The following CPED1 variants were observed in gnomAD, a reference collection of about 807,000 sequenced individuals.
CPED1 encodes cadherin like and PC-esterase domain containing 1, also known as cadherin-like and PC-esterase domain-containing protein 1.
Under a neutral mutation model 128.2 loss-of-function variants are expected in CPED1, and 114 were observed. That is an observed-to-expected ratio of 0.89 (90% confidence interval 0.76 to 1.04). CPED1 has a LOEUF of 1.04. Ranked by LOEUF, CPED1 falls within the 50% of genes least tolerant of loss-of-function variation. The pLI is 0.00. For missense variants in CPED1, 1,211 were observed against 1,207.1 expected, an observed-to-expected ratio of 1.00 and a Z score of -0.05; for synonymous variants, 462 against 426.7, an observed-to-expected ratio of 1.08 and a Z score of -1.02.
intron 14 of CPED1, 135 bp downstream of exon 14, chr7:121,136,225 T>C: frequency 2.3e-6 from 2 of 854,212 alleles, no homozygotes; most frequent in East Asian, 3.3e-5. Flanking sequence ...TAGAAGTTAT[T>C]AGATTTCCAA....
At chr7:121,226,228 C>A (rs901327202) in intron 16 of CPED1, among the ~76,000 whole-genome samples, 1 of 152,090 alleles carries the variant, frequency 6.6e-6, no homozygotes, top group Non-Finnish European at 1.5e-5. Context: ...TTTCTTCTAA[C>A]AATCAGGTCC....
At chr7:121,292,957 C>T (rs965228495) in intron 22 of CPED1, among the ~76,000 whole-genome samples, 3 of 152,160 alleles carry the variant, frequency 2.0e-5, no homozygotes, top group Admixed American at 1.3e-4. Context: ...TGTCTGTCGA[C>T]CCCTGCTGGA....
chr7:121,244,252 T>G lies in CPED1; in HGVS notation c.2224T>G (p.Trp742Gly), dbSNP rs1261243376. The change falls in exon 18 of 23, where the codon TGG becomes GGG. Residue 742 changes from tryptophan to glycine, a missense_variant. Trp to Gly is a radical substitution (Grantham distance 184, BLOSUM62 -2). Coordinates refer to ENST00000310396, the MANE Select transcript of CPED1 (RefSeq NM_024913.5). ...LSCSDNRTCD[W>G]REITWQPHNC... ...TTGTTCGGACAACAGGACGTGTGAC[T>G]GGAGAGAAATAACCTGGCAGCCCCA... The G allele has an allele frequency of 3.7e-6, 6 of 1,614,030 alleles. No individual in the cohort carries two copies. In the African/African-American group the frequency reaches 4.0e-5, roughly 11 times the overall value.
chr7:121,068,522 G>A (rs1478164640), intron 5 of CPED1, among the ~76,000 whole-genome samples: 1 of 152,000 alleles, frequency 6.6e-6, no homozygotes, highest in Non-Finnish European at 1.5e-5. Context: ...CTGTAGCCTT[G>A]TAGTATAGTT....
At chr7:121,056,986 CT>C (rs11367732) in intron 4 of CPED1, among the ~76,000 whole-genome samples, 118,616 of 150,698 alleles carry the variant, frequency 0.79, 46,817 homozygotes, top group Admixed American at 0.85. Context: ...TTTCTTTTTT[CT>C]TTTTTTTTGA....
intron 16 of CPED1, among the ~76,000 whole-genome samples, chr7:121,152,570 A>AGTT (rs1796182955): frequency 6.6e-6 from 1 of 152,202 alleles, no homozygotes; most frequent in Admixed American, 6.5e-5. Flanking sequence ...GCTCTAAGGG[A>AGTT]GTTTTAAGGA....
intron 16 of CPED1, among the ~76,000 whole-genome samples, chr7:121,235,242 T>G (rs546350190): frequency 6.6e-6 from 1 of 152,310 alleles, no homozygotes; most frequent in South Asian, 2.1e-4. Context: ...TTATTTAGAC[T>G]ACATCTCCCC....
At chr7:121,095,718 A>G (rs1176890726) in intron 5 of CPED1, among the ~76,000 whole-genome samples, 1 of 152,150 alleles carries the variant, frequency 6.6e-6, no homozygotes, top group Non-Finnish European at 1.5e-5. Context: ...CACTTGAGCT[A>G]AACCAGAAAA....
intron 3 of CPED1, among the ~76,000 whole-genome samples, chr7:121,023,607 G>A (rs1298759982): frequency 6.6e-6 from 1 of 152,122 alleles, no homozygotes; most frequent in Non-Finnish European, 1.5e-5. Flanking sequence ...TCTTTGCTTT[G>A]TCTGGTGTTG....
At chr7:121,026,479 ATTCAATAC>A (rs1461775608) in intron 3 of CPED1, among the ~76,000 whole-genome samples, 1 of 152,106 alleles carries the variant, frequency 6.6e-6, no homozygotes, top group African/African-American at 2.4e-5. Flanking sequence ...TTAATTAGGC[ATTCAATAC>A]TTCCCCTGCC....
chr7:121,037,698 T>C (rs1792934610), intron 3 of CPED1, among the ~76,000 whole-genome samples: 2 of 152,248 alleles, frequency 1.3e-5, no homozygotes, highest in South Asian at 4.2e-4. Context: ...TTGATGGGAA[T>C]TGCATTGAGT....
intron 3 of CPED1, among the ~76,000 whole-genome samples, chr7:121,023,001 T>C (rs990306986): frequency 1.3e-5 from 2 of 151,800 alleles, no homozygotes; most frequent in Non-Finnish European, 2.9e-5. Context: ...TTTTACTTCA[T>C]AGGATAGTAA....
Position 121,266,238 on chromosome 7 carries a change from T to C in CPED1, c.2322T>C (p.Ile774=), listed in dbSNP as rs1259048292. The part of the protein sequence containing the change: ...QCLGGRKILF[I]GDSTNRGIMY... ...TCTTTAACTTATAGATTCTGTTCAT[T>C]GGAGATTCAACCAACAGAGGGATCA... Residue 774 remains isoleucine, a synonymous_variant, in exon 19 of 23, where the codon ATT becomes ATC. Coordinates refer to ENST00000310396, the MANE Select transcript of CPED1 (RefSeq NM_024913.5). 2 of 1,611,182 alleles carry C rather than the reference T, an allele frequency of 1.2e-6. No individual in the cohort carries two copies. The highest frequency in any genetic ancestry group is 2.2e-5 in the South Asian group (2 of 91,022).
At chr7:121,187,115 TTATAA>T (rs774379223) in intron 16 of CPED1, among the ~76,000 whole-genome samples, 6 of 152,228 alleles carry the variant, frequency 3.9e-5, no homozygotes, top group Non-Finnish European at 7.3e-5. Flanking sequence ...CTTGTGGAGT[TTATAA>T]TATATTTTAT....
intron 5 of CPED1, among the ~76,000 whole-genome samples, chr7:121,070,337 G>T (rs549734501): frequency 5.3e-5 from 8 of 151,974 alleles, no homozygotes; most frequent in African/African-American, 1.7e-4. Context: ...CTTGTTCTCT[G>T]TGTTCTCAAA....
At chr7:121,072,184 A>AT (rs1411166455) in intron 5 of CPED1, among the ~76,000 whole-genome samples, 1 of 43,692 alleles carries the variant, frequency 2.3e-5, no homozygotes, top group African/African-American at 6.4e-5. Context: ...CTTTTCCTAT[A>AT]CAAAAAAAAA....
intron 9 of CPED1, 98 bp downstream of exon 9, chr7:121,125,990 A>G (rs1056472350): frequency 1.2e-6 from 1 of 863,782 alleles, no homozygotes; most frequent in South Asian, 1.5e-5. Context: ...TAACCAATCA[A>G]TAAATAGCAA....
intron 22 of CPED1, among the ~76,000 whole-genome samples, chr7:121,274,996 GA>G (rs907398319): frequency 1.7e-4 from 26 of 152,146 alleles, no homozygotes; most frequent in Non-Finnish European, 3.1e-4. Context: ...AGCAAGAGTT[GA>G]AAAAATTGTG....
chr7:121,056,002 T>C (rs1793491226), intron 4 of CPED1, among the ~76,000 whole-genome samples: 1 of 152,096 alleles, frequency 6.6e-6, no homozygotes, highest in Non-Finnish European at 1.5e-5. Context: ...GTGTTACTTA[T>C]TATAGTAAAA....
Sources: gnomAD v4.1 joint callset for allele counts (sites outside exome capture counted in the v4.1 genomes callset) on GRCh38, gnomAD v4.1.1 for gene constraint, MANE v1.5 for transcripts, NCBI Gene and HGNC (gene_info 2026-07-23, HGNC 2026-07-21) for gene names.